The following MMP17 variants were observed in gnomAD, a reference collection of about 807,000 sequenced individuals.
MMP17 encodes the protein matrix metalloproteinase-17.
A neutral mutation model predicts 49.1 loss-of-function variants in MMP17; 54 were observed. The ratio of observed to expected loss-of-function variants is 1.10; its 90% CI spans 0.88 to 1.38. MMP17 has a LOEUF of 1.38. Ranked by LOEUF, MMP17 falls within the 40% of genes most tolerant of loss-of-function variation. MMP17 has a pLI of 0.00. For synonymous variants in MMP17, 397 were observed against 383.1 expected, an observed-to-expected ratio of 1.04 and a Z score of -0.42; for missense variants, 837 against 853.7, an observed-to-expected ratio of 0.98 and a Z score of 0.24.
In MMP17 at chr12:131,849,859, T is replaced by C. The variant is rs759280700; in HGVS notation, c.1262T>C (p.Val421Ala). ...NNVEEGYPRP[V>A]SDFSLPPGGI... ...GTAGAGGAAGGATACCCGCGCCCCG[T>C]CTCCGACTTCAGCCTCCCGCCTGGC... is the stretch of plus-strand genomic sequence containing the variant. The change falls in exon 9 of 10, where the codon GTC becomes GCC. Residue 421 changes from valine (V) to alanine (A), a missense_variant. Val to Ala is a moderately conservative substitution (Grantham distance 64, BLOSUM62 0). Transcript: ENST00000360564. 5 of 1,613,884 alleles carry C rather than the reference T, an allele frequency of 3.1e-6. No homozygotes were observed. In the Admixed American group the frequency reaches 6.7e-5, roughly 22 times the overall value.
rs1887628299 is a variant in MMP17, at chr12:131,845,149, A to G, written c.1000A>G (p.Thr334Ala). Residue 334 changes from threonine to alanine, a missense_variant, in exon 7 of 10, where the codon ACT (threonine) becomes GCT (alanine). Transcript: ENST00000360564. ...PRKDVPHRCSTHFDAVAQIRG... is the reference protein window; with the variant it reads ...PRKDVPHRCSAHFDAVAQIRG... ...GAAGGACGTGCCCCACAGATGCAGC[A>G]CTCACTTTGACGCGGTGGCCCAGAT... is the stretch of plus-strand genomic sequence containing the variant. 1.2e-6 allele frequency: 2 copies of G among 1,612,900 alleles called. No individual in the cohort carries two copies. The highest frequency in any genetic ancestry group is 1.7e-6 in the Non-Finnish European group (2 of 1,179,806).
rs774046927 is a variant in MMP17, at chr12:131,850,078, G to A, written c.1462+19G>A. ...TCCGACGGTGAGTGCCAGCTGGGGG[G>A]ACGGGCCATGCGGCCTTGGTTTCCC... On this transcript the variant is annotated intron_variant, in intron 9 of 9. Coordinates refer to ENST00000360564, the MANE Select transcript of MMP17 (RefSeq NM_016155.7). 7 of 1,592,954 alleles carry A rather than the reference G, an allele frequency of 4.4e-6. No homozygotes were observed. Among genetic ancestry groups the A allele is most frequent in the Admixed American group, 1.8e-5 (1 of 56,806 alleles).
intron 1 of MMP17, among the ~76,000 whole-genome samples, chr12:131,829,147 T>C (rs1164017902): frequency 1.3e-5 from 2 of 152,182 alleles, no homozygotes; most frequent in Admixed American, 6.5e-5. Flanking sequence ...TTTGCTCGGT[T>C]GAGGGTGTTG....
rs941155760 is a variant in MMP17, at chr12:131,828,393, A to C, written c.-102A>C. 1.5e-6 allele frequency: 1 copy of C among 669,904 alleles called. No individual in the cohort carries two copies. 41.5% of individuals were successfully genotyped at this position (669,904 alleles called of 1,614,324 possible). A position where few individuals can be genotyped will look rare whatever the true frequency, so the allele number is the denominator to read the frequency against. On this transcript the variant is annotated 5_prime_UTR_variant, in exon 1 of 10. Transcript: ENST00000360564. Reference sequence around the variant, plus strand: ...CGCTTGAGGCTGCCGCGCGGGGCTCAGTCCGGCGGGGGCGCCGCGGAGAGC... The same window carrying C: ...CGCTTGAGGCTGCCGCGCGGGGCTCCGTCCGGCGGGGGCGCCGCGGAGAGC...
intron 1 of MMP17, among the ~76,000 whole-genome samples, chr12:131,829,409 G>T (rs1339712252): frequency 6.6e-6 from 1 of 152,218 alleles, no homozygotes; most frequent in Non-Finnish European, 1.5e-5. Flanking sequence ...CGGGACTCGC[G>T]TCTCCTGTGG....
At chr12:131,840,935 A>G in intron 4 of MMP17, 79 bp downstream of exon 4, 1 of 1,441,652 alleles carries the variant, frequency 6.9e-7, no homozygotes, top group South Asian at 1.4e-5. Context: ...TGGCCCCCCC[A>G]TCCCCAACCC....
intron 8 of MMP17, among the ~76,000 whole-genome samples, chr12:131,847,090 G>A (rs1442891503): frequency 6.8e-6 from 1 of 148,014 alleles, no homozygotes; most frequent in African/African-American, 2.5e-5. Flanking sequence ...CAGCCTGGGC[G>A]ACAGAGCAAG....
chr12:131,838,232 A>G lies in MMP17; in HGVS notation c.197A>G (p.Asp66Gly), dbSNP rs775708208. The change falls in exon 2 of 10, where the codon GAC becomes GGC. Residue 66 changes from aspartate to glycine, a missense_variant. Coordinates refer to ENST00000360564, the MANE Select transcript of MMP17 (RefSeq NM_016155.7). ...LSRFGYLPPADPTTGQLQTQE... is the reference protein window; with the variant it reads ...LSRFGYLPPAGPTTGQLQTQE... The stretch of plus-strand genomic sequence containing the variant: ...AGGTTCGGTTACCTGCCCCCGGCTG[A>G]CCCCACAACAGGGCAGCTGCAGACG... 2.5e-6 allele frequency: 4 copies of G among 1,612,922 alleles called. No individual in the cohort carries two copies. Among genetic ancestry groups the G allele is most frequent in the Non-Finnish European group, 8.5e-7 (1 of 1,179,872 alleles).
chr12:131,851,093 C>T lies in MMP17; in HGVS notation c.1631C>T (p.Ala544Val). The change falls in exon 10 of 10, where the codon GCC becomes GTC. Residue 544 changes from alanine (A) to valine (V), a missense_variant. Transcript: ENST00000360564. ...GTGGACGCGGCAGAGGGGCCCCGCGCCCCTCCAGGACAACATGACCAGAGC... is the reference window on the plus strand; with the variant it reads ...GTGGACGCGGCAGAGGGGCCCCGCGTCCCTCCAGGACAACATGACCAGAGC... ...AGVDAAEGPR[A>V]PPGQHDQSRS... 2 of 1,602,390 alleles carry T rather than the reference C, an allele frequency of 1.2e-6. No homozygotes were observed. The highest frequency in any genetic ancestry group is 1.7e-6 in the Non-Finnish European group (2 of 1,175,120).
chr12:131,850,835 C>T, intron 9 of MMP17, 90 bp from the exon 10 acceptor site: 1 of 1,046,124 alleles, frequency 9.6e-7, no homozygotes, highest in Admixed American at 3.9e-5. Flanking sequence ...CTGCAGCCCT[C>T]CCTGAGCCCA....
At chr12:131,841,573 G>T in intron 4 of MMP17, 51 bp from the exon 5 acceptor site, 1 of 1,598,174 alleles carries the variant, frequency 6.3e-7, no homozygotes, top group African/African-American at 1.3e-5. Flanking sequence ...CCCTCCCCGC[G>T]GGGACAGGGC....
Position 131,844,094 on chromosome 12 carries a change from C to A in MMP17, c.968+13C>A. 6.5e-7 allele frequency: 1 copy of A among 1,544,986 alleles called. No individual in the cohort carries two copies. The highest frequency in any genetic ancestry group is 8.7e-7 in the Non-Finnish European group (1 of 1,147,592). On this transcript the variant is annotated intron_variant, in intron 6 of 9. Transcript: ENST00000360564. ...GGTCCAGCGCCCCGTAAGCCCTGGG[C>A]CCACGGTCACCACCCGCTGGGGTCT...
intron 9 of MMP17, among the ~76,000 whole-genome samples, chr12:131,850,616 G>C (rs1265413088): frequency 6.6e-6 from 1 of 152,118 alleles, no homozygotes; most frequent in African/African-American, 2.4e-5. Context: ...TCCATCCCCT[G>C]CCCCAGCAGG....
At chr12:131,847,776 G>A (rs1018259622) in intron 8 of MMP17, among the ~76,000 whole-genome samples, 14 of 152,380 alleles carry the variant, frequency 9.2e-5, no homozygotes, top group Non-Finnish European at 1.3e-4. Flanking sequence ...TGCAGGTTTC[G>A]CTACCATAAA....
intron 1 of MMP17, among the ~76,000 whole-genome samples, chr12:131,833,448 G>A (rs893271306): frequency 3.3e-5 from 5 of 152,346 alleles, no homozygotes; most frequent in East Asian, 1.9e-4. Context: ...TCAGACAGAC[G>A]GATTCAGGGG....
chr12:131,831,112 C>A (rs915656804), intron 1 of MMP17, among the ~76,000 whole-genome samples: 3 of 152,226 alleles, frequency 2.0e-5, no homozygotes, highest in Non-Finnish European at 4.4e-5. Context: ...CGGAGCCGCC[C>A]GTCTATTCAC....
rs1049729109 is a variant in MMP17 at position 131,846,124 on chromosome 12, C to T, written c.1204+675C>T. Among the ~76,000 whole-genome samples, 1 of 152,188 alleles carries T rather than the reference C, an allele frequency of 6.6e-6. No individual in the cohort carries two copies. Among genetic ancestry groups the T allele is most frequent in the Non-Finnish European group, 1.5e-5 (1 of 68,020 alleles). On this transcript the variant is annotated intron_variant, in intron 8 of 9. Coordinates refer to ENST00000360564, the MANE Select transcript of MMP17 (RefSeq NM_016155.7). The surrounding 1 kb of genome is among the most constrained non-coding windows in gnomAD (Gnocchi z 4.6). ...TGGCAGGGCTGCAGGACAGAGACCCCCATGCTGGGCTGAAACACCCGGAGT... is the reference window on the plus strand; with the variant it reads ...TGGCAGGGCTGCAGGACAGAGACCCTCATGCTGGGCTGAAACACCCGGAGT...
chr12:131,847,147 T>C (rs1467249523), intron 8 of MMP17, among the ~76,000 whole-genome samples: 1 of 149,158 alleles, frequency 6.7e-6, no homozygotes, highest in East Asian at 2.0e-4. Context: ...GCGCAGTGGC[T>C]CACGCCTGCA....
intron 8 of MMP17, among the ~76,000 whole-genome samples, chr12:131,849,200 A>T (rs1312685192): frequency 6.6e-6 from 1 of 152,090 alleles, no homozygotes; most frequent in Non-Finnish European, 1.5e-5. Context: ...AAGTGTATTT[A>T]ACGCAGGGCA....
Sources: allele counts gnomAD v4.1 joint callset (sites outside exome capture counted in the v4.1 genomes callset), GRCh38; gene constraint gnomAD v4.1.1; non-coding constraint Gnocchi (gnomAD v3.1); transcripts MANE v1.5; gene names NCBI Gene and HGNC (gene_info 2026-07-23, HGNC 2026-07-21).